VWA8: variants seen among roughly 807,000 people sequenced by gnomAD.
VWA8 encodes the protein von Willebrand factor A domain-containing protein 8.
A neutral mutation model predicts 241.5 loss-of-function variants in VWA8; 221 were observed. That is an observed-to-expected ratio of 0.91 (90% CI 0.82 to 1.02). VWA8 has a LOEUF of 1.02. VWA8 is among the 50% of genes least tolerant of loss of function. The probability of loss-of-function intolerance (pLI) is 0.00; values close to 1 mark genes in which losing one functional copy is unlikely to be tolerated. For missense variants in VWA8, 2,322 were observed against 2,328.7 expected, an observed-to-expected ratio of 1.00 and a Z score of 0.06; for synonymous variants, 852 against 827.1, an observed-to-expected ratio of 1.03 and a Z score of -0.52.
chr13:41,670,863 G>A, intron 37 of VWA8, 83 bp downstream of exon 37: 3 of 1,529,290 alleles, frequency 2.0e-6, no homozygotes, highest in Non-Finnish European at 2.7e-6. Flanking sequence ...CACTGGCCCA[G>A]AAATTTTCAT....
At chr13:41,784,031 C>T in intron 18 of VWA8, 130 bp from the exon 19 acceptor site, 1 of 661,648 alleles carries the variant, frequency 1.5e-6, no homozygotes. Context: ...AAGAAATAAG[C>T]TGGAGAGTAG....
At chr13:41,943,593 T>C (rs1321985529) in intron 2 of VWA8, among the ~76,000 whole-genome samples, 2 of 152,104 alleles carry the variant, frequency 1.3e-5, no homozygotes, top group African/African-American at 4.8e-5. Flanking sequence ...AGCAAATAGA[T>C]TGAGAAAAAG....
chr13:41,835,028 T>G (rs1033692861), intron 12 of VWA8, among the ~76,000 whole-genome samples: 1 of 152,092 alleles, frequency 6.6e-6, no homozygotes, highest in Non-Finnish European at 1.5e-5. Flanking sequence ...GGAAGTTGAA[T>G]GATGAGAACA....
intron 38 of VWA8, among the ~76,000 whole-genome samples, chr13:41,614,525 T>C (rs989356777): frequency 1.3e-5 from 2 of 152,220 alleles, no homozygotes; most frequent in African/African-American, 4.8e-5. Context: ...CAAGGACCAT[T>C]TCTTTTCAGT....
chr13:41,775,725 G>A (rs1191498694), intron 20 of VWA8, among the ~76,000 whole-genome samples: 2 of 152,134 alleles, frequency 1.3e-5, no homozygotes, highest in African/African-American at 4.8e-5. Flanking sequence ...AAGAGAGATA[G>A]CATATTAGAT....
At chr13:41,660,819 A>G (rs2044944448) in intron 37 of VWA8, among the ~76,000 whole-genome samples, 1 of 152,080 alleles carries the variant, frequency 6.6e-6, no homozygotes, top group African/African-American at 2.4e-5. Flanking sequence ...TTATCTATTC[A>G]TCAAAGGAAA....
In VWA8 at chr13:41,655,270, G is replaced by A. The variant is rs142646654; in HGVS notation, c.4611+15676C>T. ...ATGCTCAGCTAATTTTTATATTTTA[G>A]GAGAGATGGGGTTTCGCCATGTTGG... On this transcript the variant is annotated intron_variant, in intron 37 of 44. Coordinates refer to ENST00000379310, the MANE Select transcript of VWA8 (RefSeq NM_015058.2). 1.7e-3 allele frequency among the ~76,000 whole-genome samples: 255 copies of A among 152,022 alleles called. 1 individual carries two copies. Among genetic ancestry groups the A allele is most frequent in the African/African-American group, 5.9e-3 (245 of 41,428 alleles).
intron 37 of VWA8, among the ~76,000 whole-genome samples, chr13:41,650,760 C>G (rs2044864102): frequency 6.6e-6 from 1 of 152,152 alleles, no homozygotes; most frequent in African/African-American, 2.4e-5. Context: ...AGTCAGAGAT[C>G]ACAGCATGAT....
intron 26 of VWA8, among the ~76,000 whole-genome samples, chr13:41,710,292 T>C (rs760725707): frequency 2.6e-5 from 4 of 152,214 alleles, no homozygotes; most frequent in Non-Finnish European, 5.9e-5. Context: ...GTGATTTCTA[T>C]TCAGCTGGGA....
chr13:41,931,670 A>G (rs1012801409), intron 2 of VWA8, among the ~76,000 whole-genome samples: 5 of 152,108 alleles, frequency 3.3e-5, no homozygotes, highest in African/African-American at 1.2e-4. Flanking sequence ...TATATATCTC[A>G]TAACATCATG....
chr13:41,690,096 G>T, intron 33 of VWA8, 70 bp downstream of exon 33: 1 of 1,328,168 alleles, frequency 7.5e-7, no homozygotes, highest in South Asian at 1.6e-5. Flanking sequence ...GTTCTTAAAT[G>T]ATTCTAGAAG....
rs374051267 is a variant in VWA8 at position 41,692,968 on chromosome 13, T to C, written c.3569A>G (p.Asn1190Ser). 14 of 1,601,102 alleles carry C rather than the reference T, an allele frequency of 8.7e-6. No homozygotes were observed. The highest frequency in any genetic ancestry group is 1.7e-4 in the Middle Eastern group (1 of 6,036). Residue 1190 changes from asparagine to serine, a missense_variant, in exon 30 of 45, where the codon AAT (asparagine) becomes AGT (serine). By Grantham distance (46) the Asn-to-Ser change is conservative. Coordinates refer to ENST00000379310, the MANE Select transcript of VWA8 (RefSeq NM_015058.2). ...AGTAGTATCTAACAACAGGATAACA[T>C]TACTCTGCAAATGATAAAAACAGTG... is the stretch of plus-strand genomic sequence containing the variant. ...GQVVLHEQQS[N>S]VILLLDTTGR...
chr13:41,700,039 T>TAA (rs927318059), intron 28 of VWA8, among the ~76,000 whole-genome samples: 1 of 152,214 alleles, frequency 6.6e-6, no homozygotes, highest in Non-Finnish European at 1.5e-5. Flanking sequence ...GGCTCTGGAC[T>TAA]AAGTTTCTCA....
chr13:41,912,045 T>C lies in VWA8; in HGVS notation c.365A>G (p.Gln122Arg). Residue 122 changes from glutamine to arginine, a missense_variant, in exon 3 of 45, where the codon CAG (glutamine) becomes CGG (arginine). By Grantham distance (43) the Gln-to-Arg change is conservative (BLOSUM62 1). Transcript: ENST00000379310. ...CAAGAATTAACTGCTCACCAAGTACTGCATAGCAATAGAGCGTCGAAGAGG... is the reference window on the plus strand; with the variant it reads ...CAAGAATTAACTGCTCACCAAGTACCGCATAGCAATAGAGCGTCGAAGAGG... ...PGPLRRSIAMQYLELTKREVE... is the reference protein window; with the variant it reads ...PGPLRRSIAMRYLELTKREVE... The C allele has an allele frequency of 6.3e-7, 1 of 1,587,430 alleles. No homozygotes were observed. Among genetic ancestry groups the C allele is most frequent in the Non-Finnish European group, 8.6e-7 (1 of 1,165,194 alleles).
At chr13:41,689,854 T>C (rs1260683590) in intron 33 of VWA8, among the ~76,000 whole-genome samples, 1 of 152,048 alleles carries the variant, frequency 6.6e-6, no homozygotes, top group South Asian at 2.1e-4. Context: ...AAAACTGTGA[T>C]AAATTAAATA....
chr13:41,666,155 T>C (rs189092468), intron 37 of VWA8, among the ~76,000 whole-genome samples: 1 of 152,248 alleles, frequency 6.6e-6, no homozygotes, highest in Non-Finnish European at 1.5e-5. Flanking sequence ...TTGCAATTTC[T>C]CTCTGAAACA....
chr13:41,773,254 A>G (rs1868415046), intron 20 of VWA8, among the ~76,000 whole-genome samples: 1 of 152,210 alleles, frequency 6.6e-6, no homozygotes, highest in Non-Finnish European at 1.5e-5. Flanking sequence ...TCCACCTATT[A>G]TCTGCACCTT....
chr13:41,864,213 G>T lies in VWA8; in HGVS notation c.1425+1523C>A, dbSNP rs184357975. 5.6e-4 allele frequency among the ~76,000 whole-genome samples: 85 copies of T among 151,988 alleles called. No individual in the cohort carries two copies. In the East Asian group the frequency reaches 0.015, roughly 28 times the overall value. On this transcript the variant is annotated intron_variant, in intron 12 of 44. Coordinates refer to ENST00000379310, the MANE Select transcript of VWA8 (RefSeq NM_015058.2). Reference sequence around the variant, plus strand: ...ATAATTGGAACCATTGTGCATTGTTGGTGGGAATGAAAATGGTGCAGCTGC... The same window carrying T: ...ATAATTGGAACCATTGTGCATTGTTTGTGGGAATGAAAATGGTGCAGCTGC...
intron 2 of VWA8, chr13:41,925,563 A>G (rs1876791723): frequency 6.5e-6 from 1 of 154,812 alleles, no homozygotes; most frequent in African/African-American, 2.4e-5. Context: ...ATAGTCAATT[A>G]TAAGATGGAC....
Sources: gnomAD v4.1 joint callset for allele counts (sites outside exome capture counted in the v4.1 genomes callset) on GRCh38, gnomAD v4.1.1 for gene constraint, MANE v1.5 for transcripts, NCBI Gene and HGNC (gene_info 2026-07-23, HGNC 2026-07-21) for gene names.